Variants in DENND1A observed in about 807,000 individuals in gnomAD.
The protein encoded by DENND1A is DENN domain containing 1A, also known as DENN domain-containing protein 1A.
In DENND1A, 51 loss-of-function variants were observed where a neutral mutation model predicts 113.7. The ratio of observed to expected loss-of-function variants is 0.45; its 90% CI spans 0.36 to 0.57. DENND1A has a LOEUF of 0.57. Ranked by LOEUF, DENND1A falls within the 20% of genes least tolerant of loss-of-function variation. The pLI is 0.00. For synonymous variants in DENND1A, 565 were observed against 570.8 expected, an observed-to-expected ratio of 0.99 and a Z score of 0.14; for missense variants, 1,258 against 1,395.9, an observed-to-expected ratio of 0.90 and a Z score of 1.57.
chr9:123,833,122 C>CA (rs1163844269), intron 2 of DENND1A, among the ~76,000 whole-genome samples: 2,633 of 27,410 alleles, frequency 0.096, 414 homozygotes, highest in African/African-American at 0.16. Flanking sequence ...GACCTCATCT[C>CA]AAAAAAAAAA....
intron 5 of DENND1A, among the ~76,000 whole-genome samples, chr9:123,702,892 T>C (rs2065964384): frequency 6.6e-6 from 1 of 152,228 alleles, no homozygotes. Context: ...CAGTCAAATT[T>C]ATAATACTCT....
chr9:123,590,737 T>C (rs1461110459), intron 11 of DENND1A, among the ~76,000 whole-genome samples: 1 of 152,218 alleles, frequency 6.6e-6, no homozygotes, highest in Non-Finnish European at 1.5e-5. Flanking sequence ...TGGGTTGTGA[T>C]AAATATACCC....
intron 19 of DENND1A, among the ~76,000 whole-genome samples, chr9:123,423,171 C>T (rs981680512): frequency 1.3e-5 from 2 of 152,184 alleles, no homozygotes; most frequent in East Asian, 1.9e-4. Flanking sequence ...CAAAATGGGG[C>T]GGCAGAGACG....
intron 19 of DENND1A, chr9:123,414,594 A>G (rs894390744): frequency 6.4e-7 from 1 of 1,550,518 alleles, no homozygotes; most frequent in African/African-American, 1.4e-5. Context: ...AACGCCTGTT[A>G]GCATAGCAAA....
intron 13 of DENND1A, among the ~76,000 whole-genome samples, chr9:123,493,577 CAG>C (rs1470219418): frequency 6.6e-6 from 1 of 152,192 alleles, no homozygotes; most frequent in East Asian, 1.9e-4. Context: ...AAGACATCCA[CAG>C]AGTGTCCGTT....
chr9:123,637,915 A>G (rs796368707), intron 9 of DENND1A, among the ~76,000 whole-genome samples: 4 of 40,088 alleles, frequency 1.0e-4, no homozygotes, highest in South Asian at 1.4e-3. Context: ...GAATAAACAC[A>G]CACACACACA....
At chr9:123,491,626 G>A (rs1187412730) in intron 13 of DENND1A, among the ~76,000 whole-genome samples, 1 of 152,224 alleles carries the variant, frequency 6.6e-6, no homozygotes, top group Non-Finnish European at 1.5e-5. Flanking sequence ...TACAGATCCT[G>A]TGTGACTGCT....
chr9:123,862,260 AC>A (rs1177144154), intron 2 of DENND1A, among the ~76,000 whole-genome samples: 1 of 152,174 alleles, frequency 6.6e-6, no homozygotes, highest in Non-Finnish European at 1.5e-5. Flanking sequence ...TTTAGCAGGA[AC>A]ATTTTATGTT....
At chr9:123,454,399 AT>A (rs2047956974) in intron 16 of DENND1A, among the ~76,000 whole-genome samples, 1 of 152,148 alleles carries the variant, frequency 6.6e-6, no homozygotes, top group Admixed American at 6.5e-5. Context: ...CACAGCAGCA[AT>A]TTTTGGTTTG....
intron 1 of DENND1A, among the ~76,000 whole-genome samples, chr9:123,918,489 G>GA (rs138650406): frequency 1.7e-4 from 23 of 138,256 alleles, no homozygotes; most frequent in South Asian, 2.3e-4. Context: ...CTCCGTCTCA[G>GA]AAAAAAAAAA....
intron 4 of DENND1A, among the ~76,000 whole-genome samples, chr9:123,765,697 T>C (rs1326384019): frequency 2.6e-5 from 4 of 152,248 alleles, no homozygotes; most frequent in African/African-American, 9.6e-5. Flanking sequence ...GGTTGTCAGC[T>C]ATCAAGGGCA....
chr9:123,804,969 C>T (rs1835292683), intron 2 of DENND1A, among the ~76,000 whole-genome samples: 1 of 152,144 alleles, frequency 6.6e-6, no homozygotes, highest in Non-Finnish European at 1.5e-5. Flanking sequence ...CCTCTGCACT[C>T]ACTTCCTAAC....
At chr9:123,792,091 C>G (rs1209516114) in intron 3 of DENND1A, among the ~76,000 whole-genome samples, 1 of 152,200 alleles carries the variant, frequency 6.6e-6, no homozygotes, top group East Asian at 1.9e-4. Flanking sequence ...AACTCACTAT[C>G]CTCATCAGCA....
rs532801416 is a variant in DENND1A, at chr9:123,686,828, T to C, written c.303-10039A>G. On this transcript the variant is annotated intron_variant, in intron 5 of 23. Transcript: ENST00000394215. ...AATTTAAAGTATAAAGCTTTAAATG[T>C]ATGCTTATGGTGACAATTAAGGAAA... Among the ~76,000 whole-genome samples, 22 of 152,306 alleles carry C rather than the reference T, an allele frequency of 1.4e-4. 2 individuals are homozygous for C. In the South Asian group the frequency reaches 4.4e-3, roughly 30 times the overall value.
chr9:123,815,505 T>C (rs1417076918), intron 2 of DENND1A, among the ~76,000 whole-genome samples: 2 of 152,166 alleles, frequency 1.3e-5, no homozygotes, highest in Non-Finnish European at 2.9e-5. Flanking sequence ...CAGAAATAAC[T>C]TCTAATAAGC....
At chr9:123,730,386 T>C (rs1210950873) in intron 5 of DENND1A, among the ~76,000 whole-genome samples, 1 of 151,802 alleles carries the variant, frequency 6.6e-6, no homozygotes, top group Admixed American at 6.6e-5. Context: ...ATCCAGAATA[T>C]ATAGAGAACT....
intron 19 of DENND1A, among the ~76,000 whole-genome samples, chr9:123,428,434 C>G (rs148962404): frequency 0.026 from 3,917 of 152,266 alleles, 87 homozygotes; most frequent in Non-Finnish European, 0.037. Flanking sequence ...GACAAACCCA[C>G]AGCCAATATC....
At chr9:123,720,663 C>T (rs950511314) in intron 5 of DENND1A, among the ~76,000 whole-genome samples, 1 of 152,216 alleles carries the variant, frequency 6.6e-6, no homozygotes, top group African/African-American at 2.4e-5. Flanking sequence ...GCAGAGTTAA[C>T]TTTATCATTG....
At chr9:123,841,891 A>C (rs1219045545) in intron 2 of DENND1A, among the ~76,000 whole-genome samples, 1 of 152,168 alleles carries the variant, frequency 6.6e-6, no homozygotes, top group Non-Finnish European at 1.5e-5. Context: ...CTGATTTTTT[A>C]AATGTGCTGC....
Sources: gnomAD v4.1 joint callset for allele counts (sites outside exome capture counted in the v4.1 genomes callset) on GRCh38, gnomAD v4.1.1 for gene constraint, MANE v1.5 for transcripts, NCBI Gene and HGNC (gene_info 2026-07-23, HGNC 2026-07-21) for gene names.